SOX5: variants seen among roughly 807,000 people sequenced by gnomAD.
The protein encoded by SOX5 is SRY-box transcription factor 5.
In SOX5, 9 loss-of-function variants were observed where a neutral mutation model predicts 92.0. That is an observed-to-expected ratio of 0.10 (90% confidence interval 0.06 to 0.17). SOX5 has a LOEUF of 0.17. SOX5 is among the 10% of genes least tolerant of loss of function. The pLI, the probability that SOX5 is intolerant of heterozygous loss-of-function variation, is 1.00. For missense variants in SOX5, 642 were observed against 944.5 expected (o/e 0.68, Z 4.20); for synonymous variants, 344 against 336.3 (o/e 1.02, Z -0.25).
intron 7 of SOX5, among the ~76,000 whole-genome samples, chr12:23,645,961 A>G (rs986765429): frequency 7.9e-5 from 12 of 152,222 alleles, no homozygotes; most frequent in Non-Finnish European, 1.3e-4. Flanking sequence ...AGACAAAACT[A>G]TAGTCTATTA....
At chr12:24,210,714 A>C (rs994158850) in intron 4 of SOX5, among the ~76,000 whole-genome samples, 3 of 152,192 alleles carry the variant, frequency 2.0e-5, no homozygotes, top group Non-Finnish European at 2.9e-5. Context: ...ATTCAAACTC[A>C]AGAGAATTCT....
chr12:23,928,445 G>A (rs1940574479), intron 1 of SOX5, among the ~76,000 whole-genome samples: 1 of 151,962 alleles, frequency 6.6e-6, no homozygotes, highest in Non-Finnish European at 1.5e-5. Context: ...GAGGATGTAT[G>A]AAACCTAATG....
intron 1 of SOX5, among the ~76,000 whole-genome samples, chr12:23,903,457 G>A (rs1595517122): frequency 6.6e-6 from 1 of 152,122 alleles, no homozygotes; most frequent in Non-Finnish European, 1.5e-5. Flanking sequence ...GATGGCCTCC[G>A]CCTGTAGTGC....
At chr12:24,174,199 T>G (rs1274717677) in intron 4 of SOX5, among the ~76,000 whole-genome samples, 1 of 152,136 alleles carries the variant, frequency 6.6e-6, no homozygotes, top group Non-Finnish European at 1.5e-5. Flanking sequence ...GGTTTTGCCA[T>G]GTTTGCCCAG....
At chr12:24,121,104 T>C (rs1948566532) in intron 4 of SOX5, among the ~76,000 whole-genome samples, 1 of 152,218 alleles carries the variant, frequency 6.6e-6, no homozygotes, top group African/African-American at 2.4e-5. Context: ...TTTCTCACTC[T>C]GGGGTTTAAA....
intron 4 of SOX5, among the ~76,000 whole-genome samples, chr12:24,063,089 G>A (rs1317093355): frequency 1.3e-5 from 2 of 152,310 alleles, no homozygotes; most frequent in Non-Finnish European, 2.9e-5. Context: ...ACTGCCAGAT[G>A]TGCAGCTATA....
intron 4 of SOX5, among the ~76,000 whole-genome samples, chr12:24,164,454 T>C (rs1478543531): frequency 1.3e-5 from 2 of 152,044 alleles, no homozygotes; most frequent in African/African-American, 4.8e-5. Flanking sequence ...TTTAACTTAT[T>C]TACCAAGGAG....
intron 4 of SOX5, among the ~76,000 whole-genome samples, chr12:24,035,167 G>A (rs1420898556): frequency 6.6e-6 from 1 of 152,032 alleles, no homozygotes; most frequent in South Asian, 2.1e-4. Flanking sequence ...TGACACTGAG[G>A]GTAGAAAACT....
intron 13 of SOX5, among the ~76,000 whole-genome samples, chr12:23,537,867 G>T (rs550063477): frequency 5.9e-5 from 9 of 151,286 alleles, no homozygotes; most frequent in Non-Finnish European, 1.0e-4. Context: ...TCTCAAAGGC[G>T]GTGTGTCCGG....
chr12:24,062,310 T>C (rs1196923767), intron 4 of SOX5, among the ~76,000 whole-genome samples: 1 of 152,250 alleles, frequency 6.6e-6, no homozygotes, highest in African/African-American at 2.4e-5. Context: ...CCTTTATTTC[T>C]AACTTCTCTT....
chr12:24,018,171 C>T (rs1953875967), intron 4 of SOX5, among the ~76,000 whole-genome samples: 1 of 152,122 alleles, frequency 6.6e-6, no homozygotes, highest in African/African-American at 2.4e-5. Context: ...GCCCAGCTTC[C>T]CTGACCACGT....
At chr12:24,376,806 A>T (rs1308181048) in intron 1 of SOX5, among the ~76,000 whole-genome samples, 1 of 141,358 alleles carries the variant, frequency 7.1e-6, no homozygotes, top group East Asian at 2.2e-4. Context: ...TCCTAGGCTC[A>T]GGTGATCCTC....
At chr12:23,946,883 T>C (rs1322499619) in intron 1 of SOX5, among the ~76,000 whole-genome samples, 1 of 151,990 alleles carries the variant, frequency 6.6e-6, no homozygotes, top group Non-Finnish European at 1.5e-5. Context: ...ATCACTGTTC[T>C]ATTTGCACTA....
chr12:24,350,256 A>T (rs2141157588), intron 2 of SOX5, among the ~76,000 whole-genome samples: 1 of 152,352 alleles, frequency 6.6e-6, no homozygotes, highest in Admixed American at 6.5e-5. Context: ...CAGCCAGCAC[A>T]GAGATCTGCT....
intron 1 of SOX5, among the ~76,000 whole-genome samples, chr12:23,941,573 A>G (rs1943651457): frequency 6.6e-6 from 1 of 151,536 alleles, no homozygotes; most frequent in South Asian, 2.1e-4. Context: ...TAGCATTCAT[A>G]GTTATCTTTC....
intron 11 of SOX5, among the ~76,000 whole-genome samples, chr12:23,546,682 T>A (rs758822297): frequency 5.9e-5 from 9 of 152,158 alleles, no homozygotes; most frequent in Non-Finnish European, 8.8e-5. Flanking sequence ...TATGCCGGGA[T>A]CCTTGGAGAC....
At chr12:23,612,772 C>G (rs2076120543) in intron 8 of SOX5, among the ~76,000 whole-genome samples, 1 of 152,064 alleles carries the variant, frequency 6.6e-6, no homozygotes, top group South Asian at 2.1e-4. Flanking sequence ...TTTATTTCTT[C>G]TTTCTCTTCC....
At position 24,254,718 on chromosome 12, in the gene SOX5, AATAT is replaced by A. The variant is rs10556060; in HGVS notation, c.-77+22494_-77+22497del. On this transcript the variant is annotated intron_variant, in intron 3 of 4. Transcript: ENST00000446891. ...TATTCTTTTTTCTTTGGGCTGCTCA[AATAT>A]ATATATATATATATATTTCCTATGA... Among the ~76,000 whole-genome samples the A allele has an allele frequency of 9.9e-4, 145 of 145,910 alleles. 1 individual carries two copies. Among genetic ancestry groups the A allele is most frequent in the Middle Eastern group, 3.5e-3 (1 of 288 alleles).
intron 4 of SOX5, among the ~76,000 whole-genome samples, chr12:24,059,867 T>A (rs886262219): frequency 6.6e-6 from 1 of 152,238 alleles, no homozygotes; most frequent in African/African-American, 2.4e-5. Context: ...GAGAAAGACA[T>A]GGTTCCCTTT....
Sources: allele counts gnomAD v4.1 joint callset (sites outside exome capture counted in the v4.1 genomes callset), GRCh38; gene constraint gnomAD v4.1.1; transcripts MANE v1.5; gene names NCBI Gene and HGNC (gene_info 2026-07-23, HGNC 2026-07-21).